Variants in KCNK9 observed in about 807,000 individuals in gnomAD.
KCNK9 encodes the protein potassium two pore domain channel subfamily K member 9.
KCNK9 carries 1 observed loss-of-function variant against 10.8 expected under a neutral mutation model. The ratio of observed to expected loss-of-function variants is 0.09; its 90% CI spans 0.03 to 0.44. The LOEUF (loss-of-function observed/expected upper bound fraction) is 0.44. Among genes scored for constraint, KCNK9 ranks in the 20% least tolerant of loss-of-function variants. The probability of loss-of-function intolerance (pLI) is 0.97; values close to 1 mark genes in which losing one functional copy is unlikely to be tolerated. For missense variants in KCNK9, 303 were observed against 515.0 expected (o/e 0.59, Z 3.98); for synonymous variants, 231 against 222.7 (o/e 1.04, Z -0.33).
At chr8:139,686,701 C>T (rs1340682175) in intron 1 of KCNK9, among the ~76,000 whole-genome samples, 1 of 152,200 alleles carries the variant, frequency 6.6e-6, no homozygotes, top group Non-Finnish European at 1.5e-5. Context: ...CAGAATAACA[C>T]ACAAGCAGTC....
intron 1 of KCNK9, among the ~76,000 whole-genome samples, chr8:139,645,386 G>T (rs1276173427): frequency 1.3e-5 from 2 of 152,164 alleles, no homozygotes; most frequent in Admixed American, 1.3e-4. Flanking sequence ...ATGCCCACCT[G>T]CCCTCAGCAT....
chr8:139,621,611 T>C (rs900283658), intron 1 of KCNK9, among the ~76,000 whole-genome samples: 1 of 152,154 alleles, frequency 6.6e-6, no homozygotes, highest in Non-Finnish European at 1.5e-5. Context: ...AACAAAGACA[T>C]TTTCAAATGA....
At chr8:139,650,282 C>T (rs576957364) in intron 1 of KCNK9, among the ~76,000 whole-genome samples, 41 of 152,340 alleles carry the variant, frequency 2.7e-4, no homozygotes, top group Middle Eastern at 3.4e-3. Flanking sequence ...CCTTAGCTCA[C>T]TCACGTTACT....
Position 139,618,935 on chromosome 8 carries a change from G to T in KCNK9, c.448C>A (p.Arg150Ser). The change falls in exon 2 of 2, where the codon CGC becomes AGC. Residue 150 changes from arginine (R) to serine (S), a missense_variant. Arg to Ser is a moderately radical substitution (Grantham distance 110). Coordinates refer to ENST00000520439, the MANE Select transcript of KCNK9 (RefSeq NM_001282534.2). The surrounding 1 kb of genome is among the most constrained non-coding windows in gnomAD (Gnocchi z 7.9). ...LKRIKKCCGM[R>S]NTDVSMENMV... is the part of the protein sequence containing the mutation. ...TTCTCCATAGACACGTCAGTGTTGC[G>T]CATGCCACAGCACTTCTTAATGCGC... 6.2e-7 allele frequency: 1 copy of T among 1,614,222 alleles called. No individual in the cohort carries two copies. The highest frequency in any genetic ancestry group is 1.1e-5 in the South Asian group (1 of 91,086).
chr8:139,656,327 T>G (rs1387671110), intron 1 of KCNK9, among the ~76,000 whole-genome samples: 1 of 152,176 alleles, frequency 6.6e-6, no homozygotes, highest in African/African-American at 2.4e-5. Context: ...ACTAACTCTT[T>G]GGCCCCTCCA....
intron 1 of KCNK9, among the ~76,000 whole-genome samples, chr8:139,641,138 G>A (rs1216191749): frequency 6.6e-6 from 1 of 152,222 alleles, no homozygotes; most frequent in African/African-American, 2.4e-5. Flanking sequence ...TGACCAGGGT[G>A]CCTTCCAGTG....
chr8:139,674,281 C>G (rs1204248359), intron 1 of KCNK9, among the ~76,000 whole-genome samples: 1 of 152,174 alleles, frequency 6.6e-6, no homozygotes, highest in Non-Finnish European at 1.5e-5. Flanking sequence ...GTCTGCCATG[C>G]GAGGATACAG....
intron 1 of KCNK9, among the ~76,000 whole-genome samples, chr8:139,701,258 C>T (rs1203848662): frequency 6.6e-6 from 1 of 152,152 alleles, no homozygotes; most frequent in Non-Finnish European, 1.5e-5. Flanking sequence ...GTGGGGCAAG[C>T]AAGAGCCAAG....
intron 1 of KCNK9, among the ~76,000 whole-genome samples, chr8:139,631,298 G>T (rs9942767): frequency 0.012 from 1,904 of 152,322 alleles, 34 homozygotes; most frequent in African/African-American, 0.043. Context: ...GCTGGCGCTG[G>T]GCCGGGGACT....
chr8:139,687,786 G>A (rs1816853614), intron 1 of KCNK9, among the ~76,000 whole-genome samples: 2 of 150,448 alleles, frequency 1.3e-5, no homozygotes, highest in South Asian at 4.2e-4. Flanking sequence ...ACAACTCAAG[G>A]CCAATCTTGT....
chr8:139,665,109 T>C (rs1484932600), intron 1 of KCNK9, among the ~76,000 whole-genome samples: 1 of 152,162 alleles, frequency 6.6e-6, no homozygotes, highest in African/African-American at 2.4e-5. Context: ...ACTCGGTGGC[T>C]TAAAACAACA....
At chr8:139,652,564 G>A (rs73724501) in intron 1 of KCNK9, among the ~76,000 whole-genome samples, 2 of 152,192 alleles carry the variant, frequency 1.3e-5, no homozygotes, top group African/African-American at 4.8e-5. Context: ...GGGGGCGGGG[G>A]CCGCCAGCCT....
At chr8:139,646,913 A>G (rs1233349594) in intron 1 of KCNK9, among the ~76,000 whole-genome samples, 3 of 152,232 alleles carry the variant, frequency 2.0e-5, no homozygotes, top group East Asian at 3.8e-4. Context: ...GTGAAGCTCT[A>G]TCATCTCTAA....
At chr8:139,625,694 A>G (rs1814949630) in intron 1 of KCNK9, among the ~76,000 whole-genome samples, 1 of 151,344 alleles carries the variant, frequency 6.6e-6, no homozygotes, top group Admixed American at 6.6e-5. Flanking sequence ...AGCAGCCTTC[A>G]TCTCTCTGCT....
At chr8:139,617,106 C>CAATT (rs1317333288), downstream of KCNK9, 2 of 152,152 alleles carry the variant, frequency 1.3e-5, no homozygotes, top group African/African-American at 4.8e-5. Flanking sequence ...AAATCAAATG[C>CAATT]AATTAGAGAC....
rs995083751 is a variant in KCNK9 at position 139,702,230 on chromosome 8, C to A, written c.283+480G>T. ...GCCCAGGGGCTACGGAGGGTCAGTG[C>A]CTCTCACGCCCCAGGCGCACTCCCC... On this transcript the variant is annotated intron_variant, in intron 1 of 1. Transcript: ENST00000520439. The surrounding 1 kb of genome is among the most constrained non-coding windows in gnomAD (Gnocchi z 7.5). Among the ~76,000 whole-genome samples the A allele has an allele frequency of 6.6e-6, 1 of 152,136 alleles. No individual in the cohort carries two copies. The highest frequency in any genetic ancestry group is 1.5e-5 in the Non-Finnish European group (1 of 68,000).
At chr8:139,665,245 G>C (rs1159212072) in intron 1 of KCNK9, among the ~76,000 whole-genome samples, 2 of 152,142 alleles carry the variant, frequency 1.3e-5, no homozygotes, top group African/African-American at 4.8e-5. Context: ...GCTTTTTCCA[G>C]GTTTTAGATG....
intron 1 of KCNK9, among the ~76,000 whole-genome samples, chr8:139,667,727 A>G (rs1816334126): frequency 6.6e-6 from 1 of 152,104 alleles, no homozygotes. Context: ...AACATTCCTT[A>G]TAACGGCAAA....
chr8:139,681,819 G>A (rs1483363311), intron 1 of KCNK9, among the ~76,000 whole-genome samples: 11 of 152,220 alleles, frequency 7.2e-5, no homozygotes, highest in Non-Finnish European at 1.3e-4. Context: ...ACGTCAGTGC[G>A]TGGACACTGC....
Sources: allele counts gnomAD v4.1 joint callset (sites outside exome capture counted in the v4.1 genomes callset), GRCh38; gene constraint gnomAD v4.1.1; non-coding constraint Gnocchi (gnomAD v3.1); transcripts MANE v1.5; gene names NCBI Gene and HGNC (gene_info 2026-07-23, HGNC 2026-07-21).